The following GPT2 variants were observed in gnomAD, a reference collection of about 807,000 sequenced individuals.
GPT2 encodes glutamic--pyruvic transaminase 2, also known as alanine aminotransferase 2.
A neutral mutation model predicts 56.9 loss-of-function variants in GPT2; 30 were observed. The ratio of observed to expected loss-of-function variants is 0.53; its 90% CI spans 0.39 to 0.72. The LOEUF (loss-of-function observed/expected upper bound fraction) is 0.72. Among genes scored for constraint, GPT2 ranks in the 30% least tolerant of loss-of-function variants. The probability of loss-of-function intolerance (pLI) is 0.00; values close to 1 mark genes in which losing one functional copy is unlikely to be tolerated. For missense variants in GPT2, 542 were observed against 703.4 expected (o/e 0.77, Z 2.60); for synonymous variants, 271 against 283.1 (o/e 0.96, Z 0.43).
Position 46,884,422 on chromosome 16 carries a change from G to T in GPT2, c.-68G>T. The T allele has an allele frequency of 4.0e-6, 1 of 252,910 alleles. No individual in the cohort carries two copies. Among genetic ancestry groups the T allele is most frequent in the South Asian group, 1.5e-4 (1 of 6,468 alleles). 15.7% of individuals were successfully genotyped at this position (252,910 alleles called of 1,614,324 possible). The stretch of plus-strand genomic sequence containing the variant: ...CGCCGGGGCCGGGTAGCTGCTCCAG[G>T]CGCGCGAGCTAACCGAGTGCGGCGA... On this transcript the variant is annotated 5_prime_UTR_variant, in exon 1 of 12. Transcript: ENST00000340124.
intron 4 of GPT2, among the ~76,000 whole-genome samples, chr16:46,901,162 G>C (rs1317272236): frequency 6.6e-6 from 1 of 152,224 alleles, no homozygotes; most frequent in African/African-American, 2.4e-5. Flanking sequence ...TTGCCTCTCT[G>C]TGGCCTCCAG....
intron 3 of GPT2, among the ~76,000 whole-genome samples, chr16:46,898,971 C>CACACATATATATATATA (rs1960751889): frequency 3.1e-4 from 3 of 9,622 alleles, no homozygotes; most frequent in African/African-American, 6.1e-4. Context: ...TATATACACA[C>CACACATATATATATATA]ACACATATAT....
chr16:46,900,988 C>T (rs1478084492), intron 4 of GPT2, among the ~76,000 whole-genome samples, 198 bp downstream of exon 4: 1 of 152,186 alleles, frequency 6.6e-6, no homozygotes, highest in Non-Finnish European at 1.5e-5. Flanking sequence ...CAGGCGGTGC[C>T]GGTGCCACCT....
chr16:46,926,730 T>C (rs1260546710), intron 10 of GPT2, among the ~76,000 whole-genome samples, 195 bp from the exon 11 acceptor site: 1 of 152,194 alleles, frequency 6.6e-6, no homozygotes. Flanking sequence ...TGTCCTGCAG[T>C]AGTTTTCAGG....
intron 2 of GPT2, chr16:46,885,596 G>A: frequency 1.0e-6 from 1 of 960,216 alleles, no homozygotes; most frequent in Non-Finnish European, 1.2e-6. Flanking sequence ...CCAGAGAGTT[G>A]GGCCTGTCGG....
chr16:46,893,377 C>T (rs1358883610), intron 2 of GPT2, among the ~76,000 whole-genome samples: 1 of 152,142 alleles, frequency 6.6e-6, no homozygotes, highest in Non-Finnish European at 1.5e-5. Flanking sequence ...GTGATCTACC[C>T]GCCTCAGCCT....
intron 8 of GPT2, among the ~76,000 whole-genome samples, chr16:46,921,603 G>A (rs1048246859): frequency 1.3e-5 from 2 of 152,156 alleles, no homozygotes; most frequent in Admixed American, 6.6e-5. Flanking sequence ...TAGTGTGAAC[G>A]TTTGCAGCCA....
intron 4 of GPT2, among the ~76,000 whole-genome samples, chr16:46,904,620 A>G (rs1960884542): frequency 1.3e-5 from 2 of 152,130 alleles, no homozygotes; most frequent in Admixed American, 1.3e-4. Flanking sequence ...TGACCCGCAG[A>G]AGTAACATTC....
At chr16:46,915,616 TAC>T (rs1356296565) in intron 6 of GPT2, 2 of 113,428 alleles carry the variant, frequency 1.8e-5, no homozygotes, top group African/African-American at 3.5e-5. Flanking sequence ...ACACACCAAA[TAC>T]AGACACACAT....
intron 4 of GPT2, among the ~76,000 whole-genome samples, chr16:46,901,212 A>G (rs891073148): frequency 2.6e-5 from 4 of 152,134 alleles, no homozygotes; most frequent in African/African-American, 9.7e-5. Context: ...GATGGCAGCC[A>G]ATTGCTAGGG....
intron 10 of GPT2, among the ~76,000 whole-genome samples, chr16:46,926,599 C>T (rs1370673731): frequency 6.6e-6 from 1 of 152,196 alleles, no homozygotes; most frequent in Non-Finnish European, 1.5e-5. Context: ...ACCCCAGGGC[C>T]CCATTTTCAG....
intron 3 of GPT2, 67 bp downstream of exon 3, chr16:46,897,804 GGCCGTCCTCT>G: frequency 7.1e-7 from 1 of 1,407,354 alleles, no homozygotes; most frequent in Non-Finnish European, 1.0e-6. Context: ...CCGTCATAGG[GGCCGTCCTCT>G]GCCCCCTCGA....
intron 2 of GPT2, among the ~76,000 whole-genome samples, chr16:46,888,457 C>T (rs1960525552): frequency 6.6e-6 from 1 of 152,154 alleles, no homozygotes; most frequent in African/African-American, 2.4e-5. Flanking sequence ...AGTGATCCTC[C>T]TTCCTCAGCC....
In GPT2 at chr16:46,917,538, G is replaced by A. The variant is rs1961193153; in HGVS notation, c.900+831G>A. Among the ~76,000 whole-genome samples, 2 of 152,172 alleles carry A rather than the reference G, an allele frequency of 1.3e-5. 1 individual carries two copies. The highest frequency in any genetic ancestry group is 2.9e-5 in the Non-Finnish European group (2 of 67,990). On this transcript the variant is annotated intron_variant, in intron 7 of 11. Transcript: ENST00000340124. ...GGTCTGCTCATTCTTTTTCTGTTTT[G>A]TAAGAAAGAAACTGAGGTTCCAGCA...
chr16:46,892,420 A>G (rs1960602811), intron 2 of GPT2, among the ~76,000 whole-genome samples: 1 of 152,136 alleles, frequency 6.6e-6, no homozygotes, highest in Non-Finnish European at 1.5e-5. Context: ...CTTCAAGACA[A>G]TGATTTCATT....
intron 2 of GPT2, 67 bp downstream of exon 2, chr16:46,885,025 G>C: frequency 7.2e-7 from 1 of 1,393,906 alleles, no homozygotes; most frequent in Non-Finnish European, 9.4e-7. Flanking sequence ...AGCAGCCCCA[G>C]CTGGGGTCCT....
rs1961358197 is a variant in GPT2 at position 46,924,371 on chromosome 16, G to A, written c.1213-18G>A. The A allele has an allele frequency of 1.2e-6, 2 of 1,613,924 alleles. No individual in the cohort carries two copies. Among genetic ancestry groups the A allele is most frequent in the Non-Finnish European group, 8.5e-7 (1 of 1,179,886 alleles). Reference sequence around the variant, plus strand: ...ATCCAGAGATACTGACTGCTGTGCTGTTTCCATCTCTCATCAGGAGAAGGA... The same window carrying A: ...ATCCAGAGATACTGACTGCTGTGCTATTTCCATCTCTCATCAGGAGAAGGA... On this transcript the variant is annotated intron_variant, in intron 9 of 11. Transcript: ENST00000340124.
Position 46,909,793 on chromosome 16 carries a change from T to G in GPT2, c.686T>G (p.Ile229Ser). The change falls in exon 6 of 12, where the codon ATC becomes AGC. Residue 229 changes from isoleucine to serine, a missense_variant. By Grantham distance (142) the Ile-to-Ser change is moderately radical. Transcript: ENST00000340124. ...YSAVISELDA[I>S]QVNYYLDEEN... ...GCTGTCATCTCTGAGCTCGACGCCA[T>G]CCAGGTGAATTACTACCTGGACGAG... 1.2e-6 allele frequency: 2 copies of G among 1,614,160 alleles called. No homozygotes were observed. The highest frequency in any genetic ancestry group is 1.7e-6 in the Non-Finnish European group (2 of 1,180,036).
intron 2 of GPT2, chr16:46,885,518 T>C: frequency 2.0e-6 from 2 of 985,344 alleles, no homozygotes; most frequent in South Asian, 9.4e-5. Context: ...TTCCTTCCTT[T>C]AGGCCCCTCT....
Sources: gnomAD v4.1 joint callset for allele counts (sites outside exome capture counted in the v4.1 genomes callset) on GRCh38, gnomAD v4.1.1 for gene constraint, MANE v1.5 for transcripts, NCBI Gene and HGNC (gene_info 2026-07-23, HGNC 2026-07-21) for gene names.